The following MEI4 variants were observed in gnomAD, a reference collection of about 807,000 sequenced individuals.
The protein encoded by MEI4 is meiosis-specific protein MEI4.
A neutral mutation model predicts 31.4 loss-of-function variants in MEI4; 27 were observed. The ratio of observed to expected loss-of-function variants is 0.86; its 90% CI spans 0.63 to 1.19. The LOEUF is 1.19. Ranked by LOEUF, MEI4 falls within the 50% of genes most tolerant of loss-of-function variation. The pLI, the probability that MEI4 is intolerant of heterozygous loss-of-function variation, is 0.00. For missense variants in MEI4, 329 were observed against 398.9 expected (o/e 0.82, Z 1.49); for synonymous variants, 122 against 145.4 (o/e 0.84, Z 1.16).
intron 3 of MEI4, among the ~76,000 whole-genome samples, chr6:77,770,788 A>G (rs1295827983): frequency 1.3e-5 from 2 of 152,108 alleles, no homozygotes; most frequent in African/African-American, 4.8e-5. Context: ...AAGACGGACC[A>G]AAAACCTAAA....
At chr6:77,706,529 T>A (rs1277588208) in intron 2 of MEI4, among the ~76,000 whole-genome samples, 4 of 152,340 alleles carry the variant, frequency 2.6e-5, no homozygotes, top group East Asian at 3.9e-4. Flanking sequence ...AAATTTTGAT[T>A]AAATAAATCT....
chr6:77,805,412 C>T (rs1433657870), intron 3 of MEI4, among the ~76,000 whole-genome samples: 1 of 152,004 alleles, frequency 6.6e-6, no homozygotes, highest in Admixed American at 6.6e-5. Flanking sequence ...GATATTATAC[C>T]ATATAAAATG....
At chr6:77,803,741 A>C (rs879691232) in intron 3 of MEI4, among the ~76,000 whole-genome samples, 6 of 152,206 alleles carry the variant, frequency 3.9e-5, no homozygotes, top group Non-Finnish European at 7.3e-5. Context: ...GGTCCACTCC[A>C]GACCCTGTTT....
chr6:77,755,313 A>T (rs1767886647), intron 2 of MEI4, among the ~76,000 whole-genome samples: 1 of 152,228 alleles, frequency 6.6e-6, no homozygotes, highest in African/African-American at 2.4e-5. Flanking sequence ...ACAGAAAAAA[A>T]ATGTAAGGGT....
intron 2 of MEI4, among the ~76,000 whole-genome samples, chr6:77,712,262 C>G (rs1342163775): frequency 1.3e-5 from 2 of 152,114 alleles, no homozygotes; most frequent in Non-Finnish European, 2.9e-5. Context: ...TGTCTTAATT[C>G]ACACATTTTA....
At chr6:77,662,741 C>G (rs191790650) in intron 1 of MEI4, among the ~76,000 whole-genome samples, 1 of 152,234 alleles carries the variant, frequency 6.6e-6, no homozygotes, top group African/African-American at 2.4e-5. Context: ...TCTGACCATG[C>G]TAACCATGCC....
intron 1 of MEI4, among the ~76,000 whole-genome samples, chr6:77,685,864 A>G (rs1582022131): frequency 2.6e-5 from 4 of 152,292 alleles, no homozygotes; most frequent in Admixed American, 2.6e-4. Context: ...TTATTGTGAC[A>G]GTTTGGGAAC....
chr6:77,822,044 A>G (rs1337208021), intron 3 of MEI4, among the ~76,000 whole-genome samples: 1 of 151,998 alleles, frequency 6.6e-6, no homozygotes, highest in Non-Finnish European at 1.5e-5. Context: ...CTGAAAGTTT[A>G]TTGTCTGATT....
At chr6:77,845,471 A>G (rs1299231805) in intron 4 of MEI4, among the ~76,000 whole-genome samples, 2 of 152,096 alleles carry the variant, frequency 1.3e-5, no homozygotes, top group Admixed American at 6.6e-5. Context: ...GCAATTTTAT[A>G]TCTTAATTTT....
At chr6:77,677,018 A>G (rs1372808000) in intron 1 of MEI4, among the ~76,000 whole-genome samples, 1 of 152,210 alleles carries the variant, frequency 6.6e-6, no homozygotes, top group African/African-American at 2.4e-5. Context: ...AGGTAAAAAT[A>G]CAATGTTAAT....
chr6:77,739,695 G>A (rs952387734), intron 2 of MEI4, among the ~76,000 whole-genome samples: 1 of 151,862 alleles, frequency 6.6e-6, no homozygotes, highest in African/African-American at 2.4e-5. Context: ...TAACAAACCT[G>A]CACGTTCTGC....
At position 77,883,717 on chromosome 6, in the gene MEI4, G is replaced by GATATATATAT. The variant is rs570185624; in HGVS notation, c.901-39354_901-39345dup. Among the ~76,000 whole-genome samples, 121 of 43,300 alleles carry GATATATATAT rather than the reference G, an allele frequency of 2.8e-3. 3 individuals carry two copies. The East Asian group carries it at 0.06, about 21-fold the overall frequency. The allele number at this position is 43,300 out of a possible 152,430, so 28.4% of individuals were successfully genotyped here. A position where few individuals can be genotyped will look rare whatever the true frequency, so the allele number is the denominator to read the frequency against. On this transcript the variant is annotated intron_variant, in intron 4 of 4. Coordinates refer to ENST00000684080, the MANE Select transcript of MEI4 (RefSeq NM_001322247.2). ...TATGCAATGAAATGCTATTATGTAA[G>GATATATATAT]ATATATATATATATATATATATATA...
chr6:77,830,479 G>T (rs1342491113), intron 4 of MEI4, among the ~76,000 whole-genome samples: 1 of 152,044 alleles, frequency 6.6e-6, no homozygotes, highest in African/African-American at 2.4e-5. Context: ...GACCAAGACT[G>T]CAGAAAGAGC....
rs1434974930 is a variant in MEI4 at position 77,919,833 on chromosome 6, C to A, written c.901-3256C>A. ...AAAGGGGATATCACCACCGATCCCA[C>A]AGAAATACAAACTACCATCAGAGAA... On this transcript the variant is annotated intron_variant, in intron 4 of 4. Coordinates refer to ENST00000684080, the MANE Select transcript of MEI4 (RefSeq NM_001322247.2). 2.0e-5 allele frequency among the ~76,000 whole-genome samples: 3 copies of A among 149,674 alleles called. No individual in the cohort carries two copies. The South Asian group carries it at 6.4e-4, about 32-fold the overall frequency.
chr6:77,857,067 T>C (rs1372119326), intron 4 of MEI4, among the ~76,000 whole-genome samples: 1 of 152,198 alleles, frequency 6.6e-6, no homozygotes, highest in Non-Finnish European at 1.5e-5. Flanking sequence ...TAGAATCCAT[T>C]ATTTTTCTAT....
At chr6:77,710,692 C>T (rs1237421773) in intron 2 of MEI4, among the ~76,000 whole-genome samples, 2 of 152,134 alleles carry the variant, frequency 1.3e-5, no homozygotes, top group Admixed American at 1.3e-4. Context: ...TGACTCTCAA[C>T]CCTAGCTCTG....
chr6:77,740,884 T>C (rs2127672591), intron 2 of MEI4, among the ~76,000 whole-genome samples: 1 of 152,094 alleles, frequency 6.6e-6, no homozygotes, highest in Non-Finnish European at 1.5e-5. Flanking sequence ...ACAACAGAAA[T>C]ACCCACAAAA....
At chr6:77,908,956 G>C (rs1305771122) in intron 4 of MEI4, among the ~76,000 whole-genome samples, 1 of 152,050 alleles carries the variant, frequency 6.6e-6, no homozygotes, top group Non-Finnish European at 1.5e-5. Flanking sequence ...GAGACAGAAA[G>C]TTAACAAGGA....
At chr6:77,772,951 C>A (rs1209661929) in intron 3 of MEI4, among the ~76,000 whole-genome samples, 2 of 150,460 alleles carry the variant, frequency 1.3e-5, no homozygotes, top group South Asian at 2.1e-4. Flanking sequence ...CCATTTACAA[C>A]AGCTACAAAT....
Sources: allele counts gnomAD v4.1 joint callset (sites outside exome capture counted in the v4.1 genomes callset), GRCh38; gene constraint gnomAD v4.1.1; transcripts MANE v1.5; gene names NCBI Gene and HGNC (gene_info 2026-07-23, HGNC 2026-07-21).